The following ANK1 variants were observed in gnomAD, a reference collection of about 807,000 sequenced individuals.
ANK1 encodes the protein ankyrin 1.
ANK1 carries 51 observed loss-of-function variants against 210.4 expected under a neutral mutation model. The observed-to-expected ratio is 0.24, with a 90% CI of 0.19 to 0.31. The LOEUF (loss-of-function observed/expected upper bound fraction) is 0.31, where lower values mean the gene tolerates loss of function less well. Among genes scored for constraint, ANK1 ranks in the 10% least tolerant of loss-of-function variants. The pLI, the probability that ANK1 is intolerant of heterozygous loss-of-function variation, is 1.00. For missense variants in ANK1, 2,051 were observed against 2,504.4 expected (o/e 0.82, Z 3.86); for synonymous variants, 967 against 1,025.9 (o/e 0.94, Z 1.10).
At chr8:41,831,068 T>C (rs1490003098) in intron 1 of ANK1, among the ~76,000 whole-genome samples, 1 of 152,166 alleles carries the variant, frequency 6.6e-6, no homozygotes, top group Non-Finnish European at 1.5e-5. Flanking sequence ...TGAAGGGAAC[T>C]GAGATACAGA....
intron 37 of ANK1, among the ~76,000 whole-genome samples, chr8:41,678,440 C>T (rs1285011698): frequency 6.6e-6 from 1 of 152,188 alleles, no homozygotes; most frequent in African/African-American, 2.4e-5. Context: ...CTGTGCCCAG[C>T]CCCAAATTTC....
At chr8:41,718,813 G>A (rs2150642386) in intron 10 of ANK1, among the ~76,000 whole-genome samples, 1 of 152,294 alleles carries the variant, frequency 6.6e-6, no homozygotes, top group Non-Finnish European at 1.5e-5. Flanking sequence ...GGGAAGGAGA[G>A]CTATGAGTGC....
chr8:41,821,676 C>T (rs549053893), intron 1 of ANK1, among the ~76,000 whole-genome samples: 1 of 152,314 alleles, frequency 6.6e-6, no homozygotes, highest in South Asian at 2.1e-4. Flanking sequence ...TTCCCCTAAC[C>T]AGTGATAAAC....
chr8:41,849,535 T>A (rs1348862440), intron 1 of ANK1, among the ~76,000 whole-genome samples: 4 of 134,618 alleles, frequency 3.0e-5, no homozygotes, highest in Admixed American at 7.5e-5. Flanking sequence ...AAAAAAAAAA[T>A]GTAGTCATTT....
At chr8:41,831,316 C>T (rs1563865152) in intron 1 of ANK1, among the ~76,000 whole-genome samples, 1 of 152,186 alleles carries the variant, frequency 6.6e-6, no homozygotes, top group Non-Finnish European at 1.5e-5. Flanking sequence ...TTGCACATGA[C>T]CCAGCAATCC....
chr8:41,738,241 GCT>G (rs1213612486), intron 2 of ANK1, among the ~76,000 whole-genome samples: 3 of 152,282 alleles, frequency 2.0e-5, no homozygotes, highest in African/African-American at 7.2e-5. Context: ...TATGCTCCCA[GCT>G]CTCTCAGCAA....
At chr8:41,894,156 T>C (rs1819985224) in intron 1 of ANK1, among the ~76,000 whole-genome samples, 1 of 151,958 alleles carries the variant, frequency 6.6e-6, no homozygotes, top group South Asian at 2.1e-4. Context: ...CCCCATACCA[T>C]CTCCCCTGCA....
At chr8:41,689,035 T>C (rs1818488132) in intron 33 of ANK1, among the ~76,000 whole-genome samples, 1 of 152,202 alleles carries the variant, frequency 6.6e-6, no homozygotes, top group East Asian at 1.9e-4. Flanking sequence ...AAAGACCCGT[T>C]TCTGTACTGC....
intron 38 of ANK1, 59 bp downstream of exon 38, chr8:41,672,295 A>G: frequency 1.3e-6 from 2 of 1,582,350 alleles, no homozygotes; most frequent in Non-Finnish European, 1.7e-6. Context: ...GCCAGGCATA[A>G]TCTTACCCAG....
chr8:41,701,516 C>A (rs1458820876), intron 22 of ANK1, 34 bp downstream of exon 22: 6 of 1,609,628 alleles, frequency 3.7e-6, no homozygotes, highest in Middle Eastern at 1.6e-4. Context: ...GCCCCTCTGT[C>A]CCCACCAGCC....
chr8:41,725,912 T>C lies in ANK1; in HGVS notation c.461A>G (p.Gln154Arg). Residue 154 changes from glutamine (Q) to arginine (R), a missense_variant, in exon 6 of 43, where the codon CAG becomes CGG. By Grantham distance (43) the Gln-to-Arg change is conservative (BLOSUM62 1). Transcript: ENST00000289734. The stretch of plus-strand genomic sequence containing the variant: ...GTGCGCGACGACGTTCTCATGGCCC[T>C]GCTGCAGGGCTACCGCCAGAGGCGT... The part of the protein sequence containing the change: ...GFTPLAVALQ[Q>R]GHENVVAHLI... 1 of 1,613,694 alleles carries C rather than the reference T, an allele frequency of 6.2e-7. No homozygotes were observed. The highest frequency in any genetic ancestry group is 8.5e-7 in the Non-Finnish European group (1 of 1,179,960).
chr8:41,770,442 A>T (rs906973903), intron 1 of ANK1, among the ~76,000 whole-genome samples: 1 of 152,258 alleles, frequency 6.6e-6, no homozygotes, highest in Admixed American at 6.5e-5. Flanking sequence ...AAAGCTCAGT[A>T]GCAAAACATT....
intron 16 of ANK1, among the ~76,000 whole-genome samples, chr8:41,712,657 C>A (rs1017740870): frequency 4.6e-5 from 7 of 152,144 alleles, no homozygotes; most frequent in Admixed American, 6.5e-5. Context: ...AATGTTCAAA[C>A]AACATTAGCA....
intron 1 of ANK1, among the ~76,000 whole-genome samples, chr8:41,888,883 C>T (rs1259524452): frequency 1.3e-5 from 2 of 152,246 alleles, no homozygotes; most frequent in Non-Finnish European, 2.9e-5. Flanking sequence ...CACATTCCCA[C>T]TGGAACCGGA....
At position 41,690,526 on chromosome 8, in the gene ANK1, C is replaced by A. The variant is rs182408750; in HGVS notation, c.3932G>T (p.Arg1311Leu). The A allele has an allele frequency of 6.2e-7, 1 of 1,614,048 alleles. No homozygotes were observed. Among genetic ancestry groups the A allele is most frequent in the Non-Finnish European group, 8.5e-7 (1 of 1,180,026 alleles). The part of the protein sequence containing the change: ...LVPVKKAAQQ[R>L]SFHFQSFREN... ...CCGAAATGACTGGAAGTGGAAGCTC[C>A]GCTGCTGGGCAGCTTTCTTCACAGG... Residue 1311 changes from arginine (R) to leucine (L), a missense_variant, in exon 32 of 43, where the codon CGG (arginine) becomes CTG (leucine). Physicochemically the swap from Arg to Leu is moderately radical, Grantham distance 102. This residue lies in a region of ANK1 where 1,413 missense variants were observed against 1,707.4 expected (regional missense o/e 0.83). Transcript: ENST00000289734.
intron 1 of ANK1, among the ~76,000 whole-genome samples, chr8:41,839,765 G>A (rs968268507): frequency 6.6e-6 from 1 of 152,150 alleles, no homozygotes; most frequent in East Asian, 1.9e-4. Context: ...CAGCCAAAAG[G>A]AACCTAAAGA....
Position 41,718,072 on chromosome 8 carries a change from G to T in ANK1, c.1206+34C>A, listed in dbSNP as rs367663672. ...GAAGGTGGGTCGGGGGAGACCACAG[G>T]CCTGCCCCCAGGCTCCTCTGCAGTC... is the stretch of plus-strand genomic sequence containing the variant. On this transcript the variant is annotated intron_variant, in intron 11 of 42. Coordinates refer to ENST00000289734, the MANE Select transcript of ANK1 (RefSeq NM_000037.4). The T allele has an allele frequency of 4.4e-5, 70 of 1,603,616 alleles. No individual in the cohort carries two copies. The African/African-American group carries it at 6.7e-4, about 15-fold the overall frequency.
chr8:41,695,159 G>A lies in ANK1; in HGVS notation c.3115+18C>T, dbSNP rs376365414. ...TTCCGCAAGGAGGGGACCCAGCCCT[G>A]GGATCCCCCGCCCCTACCTTCGTCC... On this transcript the variant is annotated intron_variant, in intron 27 of 42. Transcript: ENST00000289734. The A allele has an allele frequency of 7.9e-5, 128 of 1,613,710 alleles. No homozygotes were observed. The highest frequency in any genetic ancestry group is 9.9e-5 in the Non-Finnish European group (117 of 1,179,912).
chr8:41,713,422 G>A (rs1247503910), intron 16 of ANK1, among the ~76,000 whole-genome samples: 2 of 152,134 alleles, frequency 1.3e-5, no homozygotes, highest in African/African-American at 2.4e-5. Flanking sequence ...ACCCAACCCC[G>A]TGGGGTCTTC....
Sources: gnomAD v4.1 joint callset for allele counts (sites outside exome capture counted in the v4.1 genomes callset) on GRCh38, gnomAD v4.1.1 for gene constraint, gnomAD v4.1.1 regional missense constraint, MANE v1.5 for transcripts, NCBI Gene and HGNC (gene_info 2026-07-23, HGNC 2026-07-21) for gene names.